The following VOPP1 variants were observed in gnomAD, a reference collection of about 807,000 sequenced individuals.
VOPP1 encodes the protein WW domain binding protein VOPP1.
Under a neutral mutation model 23.5 loss-of-function variants are expected in VOPP1, and 8 were observed. The observed-to-expected ratio is 0.34, with a 90% confidence interval of 0.20 to 0.61. The LOEUF is 0.61. Ranked by LOEUF, VOPP1 falls within the 20% of genes least tolerant of loss-of-function variation. The pLI, the probability that VOPP1 is intolerant of heterozygous loss-of-function variation, is 0.78. For synonymous variants in VOPP1, 83 were observed against 97.3 expected (o/e 0.85, Z 0.86); for missense variants, 174 against 238.1 (o/e 0.73, Z 1.77).
At chr7:55,525,619 G>T (rs1796136517) in intron 1 of VOPP1, among the ~76,000 whole-genome samples, 1 of 151,876 alleles carries the variant, frequency 6.6e-6, no homozygotes, top group South Asian at 2.1e-4. Context: ...GTCCCTAATT[G>T]TGTCTTCTCT....
At chr7:55,555,854 G>C (rs1371053184) in intron 1 of VOPP1, among the ~76,000 whole-genome samples, 1 of 152,152 alleles carries the variant, frequency 6.6e-6, no homozygotes, top group Non-Finnish European at 1.5e-5. Context: ...TGCTTATGCT[G>C]GACTCCCTTC....
At chr7:55,552,210 A>T (rs1026690823) in intron 1 of VOPP1, among the ~76,000 whole-genome samples, 13 of 152,158 alleles carry the variant, frequency 8.5e-5, no homozygotes, top group Admixed American at 7.2e-4. Flanking sequence ...CAGTCCACTG[A>T]GGGACTGGGT....
intron 1 of VOPP1, among the ~76,000 whole-genome samples, chr7:55,548,633 C>A (rs1797467126): frequency 6.6e-6 from 1 of 152,240 alleles, no homozygotes; most frequent in African/African-American, 2.4e-5. Context: ...GGTGAACACG[C>A]CTGCTACTGG....
intron 4 of VOPP1, among the ~76,000 whole-genome samples, chr7:55,480,282 A>G (rs1426122710): frequency 6.6e-6 from 1 of 152,194 alleles, no homozygotes; most frequent in Non-Finnish European, 1.5e-5. Flanking sequence ...TTGCTTTTTG[A>G]GTTATTGAAA....
intron 4 of VOPP1, among the ~76,000 whole-genome samples, chr7:55,483,123 G>A (rs1053741925): frequency 4.6e-5 from 7 of 152,132 alleles, no homozygotes; most frequent in Non-Finnish European, 7.4e-5. Flanking sequence ...TATGACTGTG[G>A]CCAGCACAGC....
At chr7:55,482,083 T>C (rs1050123245) in intron 4 of VOPP1, among the ~76,000 whole-genome samples, 4 of 152,206 alleles carry the variant, frequency 2.6e-5, no homozygotes, top group African/African-American at 9.6e-5. Context: ...GACTATTGTA[T>C]CTTCACCTTT....
In VOPP1 at chr7:55,449,044, A is replaced by C. The variant is rs1321603857; in HGVS notation, n.418-12870T>G. The stretch of plus-strand genomic sequence containing the variant: ...CCGTGTGGGTCCCGGGCTGTTGGCT[A>C]GGGTGGCAGGCCGCGTGCATTTCCT... On this transcript the variant is annotated intron_variant and non_coding_transcript_variant, in intron 4 of 4. Transcript: ENST00000462326. Among the ~76,000 whole-genome samples, 4 of 152,198 alleles carry C rather than the reference A, an allele frequency of 2.6e-5. No homozygotes were observed. In the South Asian group the frequency reaches 6.2e-4, roughly 24 times the overall value.
intron 1 of VOPP1, among the ~76,000 whole-genome samples, chr7:55,556,351 A>T (rs771075869): frequency 6.6e-6 from 1 of 152,208 alleles, no homozygotes; most frequent in Non-Finnish European, 1.5e-5. Context: ...CCAGTTCGCA[A>T]ACCTGTTCAT....
chr7:55,505,534 C>G (rs1047800678), intron 2 of VOPP1, among the ~76,000 whole-genome samples: 10 of 151,290 alleles, frequency 6.6e-5, no homozygotes, highest in Non-Finnish European at 1.5e-4. Context: ...TCAGATGGAG[C>G]AGATCGGTTT....
At chr7:55,538,746 G>A in intron 1 of VOPP1, 1 of 1,266,712 alleles carries the variant, frequency 7.9e-7, no homozygotes, top group Non-Finnish European at 1.1e-6. Context: ...TCCTATAAAG[G>A]AACGCTTTCT....
intron 1 of VOPP1, 65 bp downstream of exon 1, chr7:55,572,206 C>T: frequency 7.1e-7 from 1 of 1,404,030 alleles, no homozygotes; most frequent in African/African-American, 1.5e-5. Context: ...CTCGGAACTG[C>T]GCGCCCCCAG....
chr7:55,476,335 C>T (rs1562899316), intron 4 of VOPP1, among the ~76,000 whole-genome samples: 1 of 151,914 alleles, frequency 6.6e-6, no homozygotes, highest in East Asian at 1.9e-4. Context: ...GTGAGCTGGC[C>T]CAGCCCCACG....
At chr7:55,441,948 A>C (rs1425880496) in intron 4 of VOPP1, among the ~76,000 whole-genome samples, 1 of 152,264 alleles carries the variant, frequency 6.6e-6, no homozygotes, top group Non-Finnish European at 1.5e-5. Flanking sequence ...CTCAAGGGAT[A>C]TAGCAACAGG....
downstream of VOPP1, among the ~76,000 whole-genome samples, chr7:55,468,265 G>A (rs1427239808): frequency 5.2e-5 from 7 of 135,700 alleles, no homozygotes; most frequent in South Asian, 2.4e-4. Flanking sequence ...GCAAGACTTC[G>A]TCTCAGAAAA....
rs533984673 is a variant in VOPP1, at chr7:55,540,375, C to A, written c.55-19245G>T. On this transcript the variant is annotated intron_variant, in intron 1 of 4. Transcript: ENST00000285279. Reference sequence around the variant, plus strand: ...ATCGCGCTACTGCACTCCAGCCTGGCGACAGAGTGAGACTCTGTCTCAAAA... The same window carrying A: ...ATCGCGCTACTGCACTCCAGCCTGGAGACAGAGTGAGACTCTGTCTCAAAA... 3.3e-3 allele frequency among the ~76,000 whole-genome samples: 498 copies of A among 150,254 alleles called. 2 individuals are homozygous for A. Among genetic ancestry groups the A allele is most frequent in the Middle Eastern group, 0.024 (7 of 294 alleles).
intron 3 of VOPP1, 122 bp downstream of exon 3, chr7:55,497,491 A>C: frequency 1.2e-6 from 1 of 869,318 alleles, no homozygotes; most frequent in Non-Finnish European, 1.8e-6. Flanking sequence ...TTTCCTGACC[A>C]AGGCTGTCCT....
Position 55,521,081 on chromosome 7 carries a change from G to T in VOPP1, c.104C>A (p.Thr35Asn), listed in dbSNP as rs769518212. ...HCWYFEGLYP[T>N]YYICRSYEDC... is the part of the protein sequence containing the mutation. ...AGGTGCAAATACTTACATATAATAGGTTGGATAGAGTCCTTCGAAATACCA... is the reference window on the plus strand; with the variant it reads ...AGGTGCAAATACTTACATATAATAGTTTGGATAGAGTCCTTCGAAATACCA... Residue 35 changes from threonine to asparagine, a missense_variant, in exon 2 of 5, where the codon ACC (threonine) becomes AAC (asparagine). Thr to Asn is a moderately conservative substitution (Grantham distance 65). Transcript: ENST00000285279. 1 of 1,579,944 alleles carries T rather than the reference G, an allele frequency of 6.3e-7. No individual in the cohort carries two copies. Among genetic ancestry groups the T allele is most frequent in the Non-Finnish European group, 8.6e-7 (1 of 1,161,782 alleles).
intron 2 of VOPP1, among the ~76,000 whole-genome samples, chr7:55,518,422 G>T (rs187194349): frequency 6.6e-6 from 1 of 152,340 alleles, no homozygotes; most frequent in East Asian, 1.9e-4. Flanking sequence ...TACACACTGG[G>T]CCAGGCAGCA....
downstream of VOPP1, among the ~76,000 whole-genome samples, chr7:55,467,196 A>G (rs1165731468): frequency 6.6e-6 from 1 of 152,216 alleles, no homozygotes; most frequent in Non-Finnish European, 1.5e-5. Context: ...CAGGCCACAG[A>G]GCAGTACTGG....
Sources: allele counts gnomAD v4.1 joint callset (sites outside exome capture counted in the v4.1 genomes callset), GRCh38; gene constraint gnomAD v4.1.1; transcripts MANE v1.5; gene names NCBI Gene and HGNC (gene_info 2026-07-23, HGNC 2026-07-21).